ROBO1: variants seen among roughly 807,000 people sequenced by gnomAD.
The protein encoded by ROBO1 is roundabout guidance receptor 1.
ROBO1 carries 149 observed loss-of-function variants against 195.9 expected under a neutral mutation model. The observed-to-expected ratio is 0.76, with a 90% CI of 0.67 to 0.87. The LOEUF is 0.87. ROBO1 is among the 40% of genes least tolerant of loss of function. The pLI is 0.00. For missense variants in ROBO1, 1,933 were observed against 2,068.3 expected (o/e 0.93, Z 1.27); for synonymous variants, 816 against 733.2 (o/e 1.11, Z -1.82).
intron 5 of ROBO1, 54 bp from the exon 6 acceptor site, chr3:78,717,937 C>G: frequency 1.9e-6 from 3 of 1,569,114 alleles, no homozygotes; most frequent in Non-Finnish European, 2.6e-6. Flanking sequence ...GCTATGTTTA[C>G]ATGACAGATG....
At chr3:79,756,839 C>T (rs1704431791) in intron 1 of ROBO1, among the ~76,000 whole-genome samples, 1 of 152,146 alleles carries the variant, frequency 6.6e-6, no homozygotes, top group African/African-American at 2.4e-5. Flanking sequence ...TCCCTGCTGA[C>T]CACCATTCTA....
At chr3:79,365,822 A>C (rs543577123) in intron 2 of ROBO1, among the ~76,000 whole-genome samples, 5 of 149,690 alleles carry the variant, frequency 3.3e-5, no homozygotes, top group Non-Finnish European at 7.4e-5. Flanking sequence ...GCGTGAACCC[A>C]GGAGGCGGAG....
At chr3:79,165,895 T>C (rs1023687468) in intron 2 of ROBO1, among the ~76,000 whole-genome samples, 1 of 152,220 alleles carries the variant, frequency 6.6e-6, no homozygotes, top group African/African-American at 2.4e-5. Context: ...TCCCGGATAA[T>C]GTGAGTGGGC....
chr3:79,030,371 C>T (rs1443389507), intron 3 of ROBO1, among the ~76,000 whole-genome samples: 1 of 152,170 alleles, frequency 6.6e-6, no homozygotes, highest in African/African-American at 2.4e-5. Flanking sequence ...GTCTCCCTCT[C>T]ACAACAAAGA....
chr3:79,295,551 C>T (rs1326368203), intron 2 of ROBO1, among the ~76,000 whole-genome samples: 1 of 152,056 alleles, frequency 6.6e-6, no homozygotes, highest in Non-Finnish European at 1.5e-5. Flanking sequence ...ACCTATGTAA[C>T]AAACCTGCAC....
rs770559908 is a variant in ROBO1 at position 78,659,791 on chromosome 3, G to A, written c.2337C>T (p.Pro779=). 22 of 1,604,772 alleles carry A rather than the reference G, an allele frequency of 1.4e-5. No homozygotes were observed. The East Asian group carries it at 4.7e-4, about 34-fold the overall frequency. ...KTLEEAPSAP[P]QGVTVSKNDG... ...CATTCTTGGATACAGTTACACCTTG[G>A]GGTGGGGCACTGGGTGCTATTAAAT... Residue 779 remains proline, a synonymous_variant, in exon 17 of 31, where the codon CCC becomes CCT. Transcript: ENST00000464233.
At chr3:78,972,064 C>A (rs1390423899) in intron 3 of ROBO1, among the ~76,000 whole-genome samples, 2 of 152,202 alleles carry the variant, frequency 1.3e-5, no homozygotes, top group Non-Finnish European at 2.9e-5. Flanking sequence ...CCGCGCCCGG[C>A]CTTAAATCTT....
intron 2 of ROBO1, among the ~76,000 whole-genome samples, chr3:79,201,839 A>T (rs1363466295): frequency 6.6e-6 from 1 of 150,922 alleles, no homozygotes; most frequent in African/African-American, 2.4e-5. Context: ...TGTAGTAATA[A>T]TTATTCATTG....
intron 4 of ROBO1, among the ~76,000 whole-genome samples, chr3:78,809,937 T>C (rs539472471): frequency 6.6e-6 from 1 of 151,006 alleles, no homozygotes; most frequent in East Asian, 2.0e-4. Context: ...TGTATACCTA[T>C]GTAACAAACC....
intron 1 of ROBO1, among the ~76,000 whole-genome samples, chr3:79,752,109 C>G (rs942054314): frequency 1.3e-4 from 20 of 152,076 alleles, no homozygotes; most frequent in African/African-American, 4.3e-4. Flanking sequence ...GATGTAGGAA[C>G]AACACACCAT....
At chr3:79,054,739 C>G (rs141374729) in intron 3 of ROBO1, among the ~76,000 whole-genome samples, 9 of 152,104 alleles carry the variant, frequency 5.9e-5, no homozygotes, top group African/African-American at 2.2e-4. Flanking sequence ...CAAAGGGAAA[C>G]ATTGGGTAAG....
intron 2 of ROBO1, among the ~76,000 whole-genome samples, chr3:79,445,736 A>C (rs1413493463): frequency 2.0e-5 from 3 of 146,690 alleles, no homozygotes; most frequent in Admixed American, 1.4e-4. Context: ...ATATCGGCTC[A>C]CTGCAAGCTC....
Position 79,491,761 on chromosome 3 carries a change from T to A in ROBO1, c.88+98063A>T, listed in dbSNP as rs567753475. Among the ~76,000 whole-genome samples, 8 of 151,612 alleles carry A rather than the reference T, an allele frequency of 5.3e-5. 2 individuals carry two copies. Among genetic ancestry groups the A allele is most frequent in the Admixed American group, 5.3e-4 (8 of 15,184 alleles). On this transcript the variant is annotated intron_variant, in intron 2 of 30. Transcript: ENST00000464233. Reference sequence around the variant, plus strand: ...GGAAGAATTCAATGGTTACATTTTCTTAGAAAATGATTTAATCTGACTTTT... The same window carrying A: ...GGAAGAATTCAATGGTTACATTTTCATAGAAAATGATTTAATCTGACTTTT...
chr3:79,284,434 T>C (rs1356578834), intron 2 of ROBO1, among the ~76,000 whole-genome samples: 5 of 152,206 alleles, frequency 3.3e-5, no homozygotes, highest in African/African-American at 4.8e-5. Flanking sequence ...TATACCTATG[T>C]AGAAAACATG....
chr3:79,432,447 C>G (rs1172015302), intron 2 of ROBO1, among the ~76,000 whole-genome samples: 1 of 152,122 alleles, frequency 6.6e-6, no homozygotes, highest in Non-Finnish European at 1.5e-5. Flanking sequence ...AAAGATCAAA[C>G]TATCTTGTTA....
At chr3:78,633,047 G>A (rs140409708) in intron 24 of ROBO1, among the ~76,000 whole-genome samples, 12 of 152,276 alleles carry the variant, frequency 7.9e-5, no homozygotes, top group South Asian at 6.2e-4. Context: ...CCAGACCAGC[G>A]TGTTAGTTAA....
chr3:79,321,924 G>A (rs897789952), intron 2 of ROBO1, among the ~76,000 whole-genome samples: 4 of 152,090 alleles, frequency 2.6e-5, no homozygotes, highest in Non-Finnish European at 5.9e-5. Flanking sequence ...ATTTTAGCAG[G>A]TATCAGAATC....
chr3:79,185,964 A>G (rs1478428114), intron 2 of ROBO1, among the ~76,000 whole-genome samples: 1 of 152,144 alleles, frequency 6.6e-6, no homozygotes, highest in East Asian at 1.9e-4. Flanking sequence ...TTCATTAAAC[A>G]TTACGTGGAA....
At chr3:78,793,696 G>T (rs1301714663) in intron 4 of ROBO1, among the ~76,000 whole-genome samples, 2 of 151,840 alleles carry the variant, frequency 1.3e-5, no homozygotes, top group African/African-American at 2.4e-5. Context: ...CTAAAGATAT[G>T]CTAAATTTTA....
Sources: allele counts gnomAD v4.1 joint callset (sites outside exome capture counted in the v4.1 genomes callset), GRCh38; gene constraint gnomAD v4.1.1; transcripts MANE v1.5; gene names NCBI Gene and HGNC (gene_info 2026-07-23, HGNC 2026-07-21).